SEMA3E: variants seen among roughly 807,000 people sequenced by gnomAD.
SEMA3E encodes semaphorin-3E.
A neutral mutation model predicts 93.6 loss-of-function variants in SEMA3E; 49 were observed. That is an observed-to-expected ratio of 0.52 (90% CI 0.42 to 0.66). The LOEUF (loss-of-function observed/expected upper bound fraction) is 0.66, where lower values mean the gene tolerates loss of function less well. SEMA3E is among the 30% of genes least tolerant of loss of function. The pLI, the probability that SEMA3E is intolerant of heterozygous loss-of-function variation, is 0.00. For synonymous variants in SEMA3E, 363 were observed against 330.7 expected, an observed-to-expected ratio of 1.10 and a Z score of -1.06; for missense variants, 906 against 964.8, an observed-to-expected ratio of 0.94 and a Z score of 0.81.
chr7:83,435,009 G>A (rs1788975295), intron 4 of SEMA3E, among the ~76,000 whole-genome samples: 3 of 151,988 alleles, frequency 2.0e-5, no homozygotes, highest in Admixed American at 6.6e-5. Flanking sequence ...CACCGCGCCC[G>A]GCCAACTGTA....
At chr7:83,373,973 G>GAGGC (rs1215258353) in intron 16 of SEMA3E, among the ~76,000 whole-genome samples, 1 of 152,044 alleles carries the variant, frequency 6.6e-6, no homozygotes, top group Non-Finnish European at 1.5e-5. Flanking sequence ...TTGGGAGGCT[G>GAGGC]AGGCAGGCAG....
intron 2 of SEMA3E, among the ~76,000 whole-genome samples, chr7:83,485,278 T>G (rs78267836): frequency 0.015 from 2,231 of 152,346 alleles, 28 homozygotes; most frequent in Non-Finnish European, 0.022. Flanking sequence ...TACATACTGC[T>G]ATGTGCCAAG....
chr7:83,456,149 T>C lies in SEMA3E; in HGVS notation c.456+10333A>G, dbSNP rs531207689. ...TCTCATTCTTAAGAGAAATGTTGGC[T>C]GTTAAGTAATGAAAACCATTTTAAT... is the stretch of plus-strand genomic sequence containing the variant. On this transcript the variant is annotated intron_variant, in intron 4 of 16. Transcript: ENST00000643230. 8.5e-5 allele frequency among the ~76,000 whole-genome samples: 13 copies of C among 152,384 alleles called. No homozygotes were observed. The South Asian group carries it at 2.7e-3, about 32-fold the overall frequency.
intron 4 of SEMA3E, among the ~76,000 whole-genome samples, chr7:83,458,953 ATGTGTGTG>A (rs1554328012): frequency 6.9e-6 from 1 of 143,888 alleles, no homozygotes; most frequent in African/African-American, 2.6e-5. Context: ...ACATATGTAT[ATGTGTGTG>A]TGTGTGTGTG....
At chr7:83,569,320 CA>C (rs1562836490) in intron 1 of SEMA3E, among the ~76,000 whole-genome samples, 1 of 151,862 alleles carries the variant, frequency 6.6e-6, no homozygotes, top group African/African-American at 2.4e-5. Flanking sequence ...CAATATAAAG[CA>C]ATTACATAAT....
intron 1 of SEMA3E, among the ~76,000 whole-genome samples, chr7:83,602,021 T>C (rs1417645699): frequency 1.3e-5 from 2 of 152,212 alleles, no homozygotes; most frequent in African/African-American, 2.4e-5. Context: ...ATGGCAGCTG[T>C]GCTTATTTGT....
intron 5 of SEMA3E, among the ~76,000 whole-genome samples, chr7:83,416,180 GAT>G (rs1348832261): frequency 6.6e-6 from 1 of 152,082 alleles, no homozygotes; most frequent in Non-Finnish European, 1.5e-5. Context: ...AAAGTGAGTG[GAT>G]AAATGTGAAG....
At chr7:83,435,214 A>T (rs1473736388) in intron 4 of SEMA3E, among the ~76,000 whole-genome samples, 2 of 152,190 alleles carry the variant, frequency 1.3e-5, no homozygotes, top group East Asian at 1.9e-4. Context: ...TTGCACAATA[A>T]TATCCTAATT....
At chr7:83,390,615 T>C (rs1787999333) in intron 14 of SEMA3E, among the ~76,000 whole-genome samples, 1 of 152,188 alleles carries the variant, frequency 6.6e-6, no homozygotes, top group African/African-American at 2.4e-5. Flanking sequence ...GCAAAAATGA[T>C]CTGCTATAAA....
intron 4 of SEMA3E, among the ~76,000 whole-genome samples, chr7:83,464,320 C>T (rs1481052967): frequency 6.6e-6 from 1 of 151,646 alleles, no homozygotes; most frequent in African/African-American, 2.4e-5. Context: ...TGTATAGACG[C>T]TCCTTTTTAT....
chr7:83,523,870 C>T (rs1791100459), intron 1 of SEMA3E, among the ~76,000 whole-genome samples: 1 of 151,978 alleles, frequency 6.6e-6, no homozygotes, highest in Non-Finnish European at 1.5e-5. Context: ...TTTGTCCTTG[C>T]ATTCACACTG....
intron 1 of SEMA3E, among the ~76,000 whole-genome samples, chr7:83,547,568 C>T (rs555773697): frequency 1.2e-4 from 18 of 152,152 alleles, no homozygotes; most frequent in Admixed American, 2.6e-4. Flanking sequence ...TGAGCTGGTC[C>T]GCTGTGGTCA....
intron 1 of SEMA3E, among the ~76,000 whole-genome samples, chr7:83,564,927 A>G (rs1452710590): frequency 1.3e-5 from 2 of 152,214 alleles, no homozygotes; most frequent in African/African-American, 4.8e-5. Context: ...TGAAAAAATT[A>G]ACAAAATAGG....
intron 4 of SEMA3E, among the ~76,000 whole-genome samples, chr7:83,429,408 C>G (rs1788837726): frequency 6.6e-6 from 1 of 152,208 alleles, no homozygotes; most frequent in South Asian, 2.1e-4. Flanking sequence ...CACTCACCCT[C>G]TCAAACTCTT....
chr7:83,627,628 C>CTTTTTTTTTTTTTTTTTTTT (rs746550123), intron 1 of SEMA3E, among the ~76,000 whole-genome samples: 2 of 65,348 alleles, frequency 3.1e-5, no homozygotes, highest in African/African-American at 7.1e-5. Flanking sequence ...GCAACCCCTG[C>CTTTTTTTTTTTTTTTTTTTT]TTTTTTTTTT....
At chr7:83,563,658 A>T (rs1414459170) in intron 1 of SEMA3E, among the ~76,000 whole-genome samples, 1 of 152,186 alleles carries the variant, frequency 6.6e-6, no homozygotes, top group African/African-American at 2.4e-5. Flanking sequence ...CAATCCAAAT[A>T]TGTTAGTCTG....
rs531661953 is a variant in SEMA3E, at chr7:83,390,095, G to A, written c.1667+2460C>T. ...CGCGTATACGTGTGCACATATATGCGCGTATACGTGTGCACATATATGCGC... is the reference window on the plus strand; with the variant it reads ...CGCGTATACGTGTGCACATATATGCACGTATACGTGTGCACATATATGCGC... On this transcript the variant is annotated intron_variant, in intron 14 of 16. Transcript: ENST00000643230. 3.6e-4 allele frequency among the ~76,000 whole-genome samples: 38 copies of A among 105,502 alleles called. No individual in the cohort carries two copies. In the East Asian group the frequency reaches 0.01, roughly 29 times the overall value. The allele number at this position is 105,502 out of a possible 152,430, so 69.2% of individuals were successfully genotyped here. A position where few individuals can be genotyped will look rare whatever the true frequency, so the allele number is the denominator to read the frequency against.
At chr7:83,524,057 A>G (rs917324108) in intron 1 of SEMA3E, among the ~76,000 whole-genome samples, 1 of 152,158 alleles carries the variant, frequency 6.6e-6, no homozygotes, top group African/African-American at 2.4e-5. Context: ...GTTATCTACT[A>G]CTTCATAAAC....
At chr7:83,492,072 A>G (rs1157812531) in intron 1 of SEMA3E, among the ~76,000 whole-genome samples, 3 of 152,064 alleles carry the variant, frequency 2.0e-5, no homozygotes, top group African/African-American at 7.2e-5. Flanking sequence ...AATAGTTTGC[A>G]ACATTTCTCA....
Sources: gnomAD v4.1 joint callset for allele counts (sites outside exome capture counted in the v4.1 genomes callset) on GRCh38, gnomAD v4.1.1 for gene constraint, MANE v1.5 for transcripts, NCBI Gene and HGNC (gene_info 2026-07-23, HGNC 2026-07-21) for gene names.